The following MAP4 variants were observed in gnomAD, a reference collection of about 807,000 sequenced individuals.
The protein encoded by MAP4 is microtubule-associated protein 4.
In MAP4, 76 loss-of-function variants were observed where a neutral mutation model predicts 170.2. That is an observed-to-expected ratio of 0.45 (90% CI 0.37 to 0.54). The LOEUF is 0.54. Among genes scored for constraint, MAP4 ranks in the 20% least tolerant of loss-of-function variants. The probability of loss-of-function intolerance (pLI) is 0.00; values close to 1 mark genes in which losing one functional copy is unlikely to be tolerated. For synonymous variants in MAP4, 909 were observed against 994.5 expected, an observed-to-expected ratio of 0.91 and a Z score of 1.62; for missense variants, 2,506 against 2,748.0, an observed-to-expected ratio of 0.91 and a Z score of 1.97.
At chr3:48,073,146 G>T (rs1579811268) in intron 1 of MAP4, among the ~76,000 whole-genome samples, 2 of 151,792 alleles carry the variant, frequency 1.3e-5, no homozygotes, top group South Asian at 4.2e-4. Context: ...GGAAGCAGAG[G>T]TTACAGTGAG....
In MAP4 at chr3:47,855,714, G is replaced by A. The variant is rs969986567; in HGVS notation, c.6584-354C>T. Among the ~76,000 whole-genome samples, 2 of 152,118 alleles carry A rather than the reference G, an allele frequency of 1.3e-5. No homozygotes were observed. Among genetic ancestry groups the A allele is most frequent in the East Asian group, 1.9e-4 (1 of 5,174 alleles). ...CTACTCTGTGTGGGAATGCCCTCCCGCTAACTGGGCCATGCAGTGCTTCTC... is the reference window on the plus strand; with the variant it reads ...CTACTCTGTGTGGGAATGCCCTCCCACTAACTGGGCCATGCAGTGCTTCTC... On this transcript the variant is annotated intron_variant, in intron 18 of 20. Coordinates refer to ENST00000683076, the MANE Select transcript of MAP4 (RefSeq NM_001385682.1). This position sits in a 1 kb window ranked among gnomAD's most constrained non-coding sequence, Gnocchi z 5.1.
chr3:47,868,874 T>A (rs766116291), intron 16 of MAP4, among the ~76,000 whole-genome samples: 88 of 152,208 alleles, frequency 5.8e-4, no homozygotes, highest in Non-Finnish European at 1.1e-3. Context: ...TGATAACGAA[T>A]GTGGGTGCAC....
intron 17 of MAP4, among the ~76,000 whole-genome samples, chr3:47,862,346 CAAAAAAAAAAAA>C (rs57751818): frequency 1.3e-4 from 7 of 52,354 alleles, no homozygotes; most frequent in African/African-American, 2.1e-4. Flanking sequence ...GACTGTGTCT[CAAAAAAAAAAAA>C]AAAAAAAAAA....
chr3:48,059,422 T>A (rs1276495539), intron 1 of MAP4, among the ~76,000 whole-genome samples: 1 of 139,274 alleles, frequency 7.2e-6, no homozygotes, highest in Non-Finnish European at 1.5e-5. Context: ...GGCTGAGGCA[T>A]GAGAATCACT....
chr3:47,858,121 C>T (rs2059660434), intron 17 of MAP4, among the ~76,000 whole-genome samples: 1 of 150,352 alleles, frequency 6.7e-6, no homozygotes, highest in Non-Finnish European at 1.5e-5. Context: ...TCAAGTGATT[C>T]TTCTGCCTCA....
chr3:47,992,484 G>T (rs1008840433), intron 2 of MAP4, among the ~76,000 whole-genome samples: 1 of 151,992 alleles, frequency 6.6e-6, no homozygotes, highest in Non-Finnish European at 1.5e-5. Context: ...GCAGCACAGT[G>T]GTGCTTTTAT....
In MAP4 at chr3:47,960,436, A is replaced by G. The variant is rs2100070892; in HGVS notation, c.292+17429T>C. ...TAAATTCAAAAAGTACCTTACTGAA[A>G]CTTTTTTGTTCATAACTTTCATTGT... is the stretch of plus-strand genomic sequence containing the variant. On this transcript the variant is annotated intron_variant, in intron 3 of 20. Transcript: ENST00000683076. 6 of 213,252 alleles carry G rather than the reference A, an allele frequency of 2.8e-5. No individual in the cohort carries two copies. In the South Asian group the frequency reaches 4.7e-4, roughly 17 times the overall value. The allele number at this position is 213,252 out of a possible 1,614,324, so 13.2% of individuals were successfully genotyped here. A position where few individuals can be genotyped will look rare whatever the true frequency, so the allele number is the denominator to read the frequency against.
intron 12 of MAP4, among the ~76,000 whole-genome samples, chr3:47,872,950 G>C (rs2093927920): frequency 6.6e-6 from 1 of 152,226 alleles, no homozygotes; most frequent in African/African-American, 2.4e-5. Flanking sequence ...CTGAGCTGCA[G>C]ATGGAGAGGC....
Position 47,972,756 on chromosome 3 carries a change from G to C in MAP4, c.292+5109C>G, listed in dbSNP as rs1007233266. Among the ~76,000 whole-genome samples the C allele has an allele frequency of 3.9e-5, 6 of 152,110 alleles. No individual in the cohort carries two copies. The East Asian group carries it at 9.7e-4, about 24-fold the overall frequency. The stretch of plus-strand genomic sequence containing the variant: ...AAAAAATTAGCTGGGCGTGGTGGCG[G>C]GCGCCTGTAGTCCCAGCTACTCAGG... On this transcript the variant is annotated intron_variant, in intron 3 of 20. Transcript: ENST00000683076.
At chr3:47,962,060 G>A (rs2100071876) in intron 3 of MAP4, among the ~76,000 whole-genome samples, 1 of 152,164 alleles carries the variant, frequency 6.6e-6, no homozygotes, top group Non-Finnish European at 1.5e-5. Flanking sequence ...AAATGCCATG[G>A]CAACAGCCTA....
chr3:47,852,734 G>A lies in MAP4; in HGVS notation c.*200C>T. On this transcript the variant is annotated 3_prime_UTR_variant, in exon 21 of 21. Coordinates refer to ENST00000683076, the MANE Select transcript of MAP4 (RefSeq NM_001385682.1). ...GCTGCTGCTGCCCCGGGCACGCAAA[G>A]CAGGAGGGAAGGCGAGCCTAGCGGG... The A allele has an allele frequency of 3.9e-6, 6 of 1,530,300 alleles. No individual in the cohort carries two copies. In the South Asian group the frequency reaches 7.3e-5, roughly 19 times the overall value. The allele number at this position is 1,530,300 out of a possible 1,614,324, so 94.8% of individuals were successfully genotyped here. A position where few individuals can be genotyped will look rare whatever the true frequency, so the allele number is the denominator to read the frequency against.
At chr3:47,930,845 C>T (rs1447133471) in intron 3 of MAP4, among the ~76,000 whole-genome samples, 2 of 150,128 alleles carry the variant, frequency 1.3e-5, no homozygotes, top group Non-Finnish European at 2.9e-5. Flanking sequence ...AGGAGAATGG[C>T]GTGAACCTGG....
intron 1 of MAP4, among the ~76,000 whole-genome samples, chr3:48,086,035 G>C (rs1421294019): frequency 6.8e-6 from 1 of 148,028 alleles, no homozygotes; most frequent in African/African-American, 2.5e-5. Flanking sequence ...CTGGGCAACA[G>C]AGTAAGACTC....
Position 47,911,690 on chromosome 3 carries a change from T to C in MAP4, c.2731A>G (p.Thr911Ala). 1.3e-6 allele frequency: 2 copies of C among 1,535,888 alleles called. No individual in the cohort carries two copies. Among genetic ancestry groups the C allele is most frequent in the South Asian group, 2.4e-5 (2 of 84,042 alleles). The change falls in exon 9 of 21, where the codon ACT (threonine) becomes GCT (alanine). Residue 911 changes from threonine to alanine, a missense_variant. By Grantham distance (58) the Thr-to-Ala change is moderately conservative (BLOSUM62 0). Transcript: ENST00000683076. The surrounding 1 kb of genome is among the most constrained non-coding windows in gnomAD (Gnocchi z 4.0). Reference sequence around the variant, plus strand: ...ACTGACTGGCTTTTATCTACAGGAGTCTTCAGGTGGGGTGCAGGCTGTGGT... The same window carrying C: ...ACTGACTGGCTTTTATCTACAGGAGCCTTCAGGTGGGGTGCAGGCTGTGGT... ...YKPQPAPHLK[T>A]PVDKSQSVGP... is the part of the protein sequence containing the mutation.
At chr3:48,008,042 C>A (rs1169393974) in intron 1 of MAP4, among the ~76,000 whole-genome samples, 1 of 152,162 alleles carries the variant, frequency 6.6e-6, no homozygotes, top group Non-Finnish European at 1.5e-5. Context: ...CACCATGCGA[C>A]CTGAACTGCC....
chr3:48,061,516 T>C (rs2100135261), intron 1 of MAP4, among the ~76,000 whole-genome samples: 1 of 152,080 alleles, frequency 6.6e-6, no homozygotes, highest in Non-Finnish European at 1.5e-5. Flanking sequence ...CAGGCTGGAG[T>C]GCAGTGGCGT....
At chr3:47,956,788 C>T (rs1365901496) in intron 3 of MAP4, among the ~76,000 whole-genome samples, 1 of 152,190 alleles carries the variant, frequency 6.6e-6, no homozygotes, top group Non-Finnish European at 1.5e-5. Context: ...TACAAGAGTG[C>T]TTGCTCAATA....
intron 10 of MAP4, chr3:47,891,974 G>A (rs141648139): frequency 6.5e-7 from 1 of 1,536,248 alleles, no homozygotes; most frequent in Non-Finnish European, 8.7e-7. Context: ...AACATATCTG[G>A]TAGGGATGTC....
At chr3:47,937,677 T>C (rs2100053790) in intron 3 of MAP4, among the ~76,000 whole-genome samples, 1 of 123,478 alleles carries the variant, frequency 8.1e-6, no homozygotes, top group African/African-American at 3.1e-5. Flanking sequence ...TTTTTTTTTT[T>C]TGAGACGAAG....
Sources: allele counts gnomAD v4.1 joint callset (sites outside exome capture counted in the v4.1 genomes callset), GRCh38; gene constraint gnomAD v4.1.1; non-coding constraint Gnocchi (gnomAD v3.1); transcripts MANE v1.5; gene names NCBI Gene and HGNC (gene_info 2026-07-23, HGNC 2026-07-21).